The following MIPOL1 variants were observed in gnomAD, a reference collection of about 807,000 sequenced individuals.
MIPOL1 encodes the protein mirror-image polydactyly gene 1 protein.
In MIPOL1, 57 loss-of-function variants were observed where a neutral mutation model predicts 60.9. The ratio of observed to expected loss-of-function variants is 0.94; its 90% confidence interval spans 0.76 to 1.17. The LOEUF (loss-of-function observed/expected upper bound fraction) is 1.17. Ranked by LOEUF, MIPOL1 falls within the 50% of genes most tolerant of loss-of-function variation. MIPOL1 has a pLI of 0.00. For missense variants in MIPOL1, 551 were observed against 511.6 expected (o/e 1.08, Z -0.74); for synonymous variants, 179 against 168.8 (o/e 1.06, Z -0.47).
intron 12 of MIPOL1, among the ~76,000 whole-genome samples, chr14:37,515,531 A>T (rs1055137297): frequency 6.6e-6 from 1 of 152,222 alleles, no homozygotes; most frequent in African/African-American, 2.4e-5. Context: ...TATACTGTGT[A>T]TATGTAAAAG....
At chr14:37,356,755 C>T (rs563418124) in intron 9 of MIPOL1, among the ~76,000 whole-genome samples, 219 of 152,308 alleles carry the variant, frequency 1.4e-3, no homozygotes, top group African/African-American at 4.8e-3. Flanking sequence ...AATGCCTCGC[C>T]CTGCTTCGGC....
intron 11 of MIPOL1, among the ~76,000 whole-genome samples, chr14:37,457,459 CTT>C (rs2094489911): frequency 1.3e-5 from 2 of 152,144 alleles, no homozygotes. Context: ...TCACAAAACA[CTT>C]GGCAGTAGTG....
intron 9 of MIPOL1, among the ~76,000 whole-genome samples, chr14:37,351,065 C>G (rs1421647679): frequency 1.7e-5 from 2 of 119,678 alleles, no homozygotes; most frequent in African/African-American, 3.2e-5. Flanking sequence ...CCCCTCCCCC[C>G]ACCCCACAAC....
At chr14:37,432,286 T>C (rs187009007) in intron 11 of MIPOL1, among the ~76,000 whole-genome samples, 27 of 152,340 alleles carry the variant, frequency 1.8e-4, no homozygotes, top group African/African-American at 6.5e-4. Context: ...TCTAGTCCAA[T>C]AGTTCTATGA....
At chr14:37,398,203 G>C (rs1333014789) in intron 10 of MIPOL1, among the ~76,000 whole-genome samples, 2 of 152,096 alleles carry the variant, frequency 1.3e-5, no homozygotes, top group Non-Finnish European at 2.9e-5. Flanking sequence ...TCAGCTCCAG[G>C]TAATTTCGGA....
intron 11 of MIPOL1, among the ~76,000 whole-genome samples, chr14:37,428,581 C>G (rs534506699): frequency 8.3e-4 from 126 of 151,844 alleles, no homozygotes; most frequent in African/African-American, 3.0e-3. Context: ...GAGTGAGACT[C>G]TGTCTCCCCA....
At chr14:37,285,596 C>CTTTT in intron 7 of MIPOL1, 149 bp downstream of exon 7, 4 of 612,934 alleles carry the variant, frequency 6.5e-6, no homozygotes, top group Non-Finnish European at 9.7e-6. Flanking sequence ...TTTTTCTTTT[C>CTTTT]TTTTTTTTTT....
intron 10 of MIPOL1, chr14:37,401,670 A>G (rs1178331681): frequency 6.6e-6 from 1 of 152,140 alleles, no homozygotes. Flanking sequence ...GACTATGAAT[A>G]TACCCATTCA....
intron 12 of MIPOL1, among the ~76,000 whole-genome samples, chr14:37,525,004 C>A (rs576098278): frequency 8.6e-5 from 13 of 151,990 alleles, no homozygotes; most frequent in African/African-American, 2.9e-4. Context: ...AATATTTTGG[C>A]GAAATAAGAA....
intron 11 of MIPOL1, among the ~76,000 whole-genome samples, chr14:37,432,105 G>T (rs1236598911): frequency 6.6e-6 from 1 of 152,094 alleles, no homozygotes; most frequent in African/African-American, 2.4e-5. Flanking sequence ...TTTCCTCCTG[G>T]ACTACTCCAT....
At chr14:37,452,788 G>C (rs2094437311) in intron 11 of MIPOL1, among the ~76,000 whole-genome samples, 1 of 152,182 alleles carries the variant, frequency 6.6e-6, no homozygotes, top group African/African-American at 2.4e-5. Flanking sequence ...CAGTTTTGCA[G>C]CTCCCATTAA....
At chr14:37,525,381 A>G (rs2095440621) in intron 12 of MIPOL1, among the ~76,000 whole-genome samples, 1 of 152,218 alleles carries the variant, frequency 6.6e-6, no homozygotes, top group Non-Finnish European at 1.5e-5. Flanking sequence ...TGAAAACCAT[A>G]TATTCCATTA....
chr14:37,505,404 C>T (rs1157952717), intron 12 of MIPOL1: 1 of 152,196 alleles, frequency 6.6e-6, no homozygotes, highest in African/African-American at 2.4e-5. Flanking sequence ...AGCTTATCCA[C>T]CATGATCAAG....
intron 10 of MIPOL1, among the ~76,000 whole-genome samples, chr14:37,392,810 A>G (rs1347373418): frequency 1.3e-5 from 2 of 152,202 alleles, no homozygotes; most frequent in African/African-American, 4.8e-5. Context: ...TCAAAAATAG[A>G]TATCAAGTAA....
chr14:37,415,571 G>A (rs1161773330), intron 10 of MIPOL1, among the ~76,000 whole-genome samples: 1 of 150,414 alleles, frequency 6.6e-6, no homozygotes, highest in Non-Finnish European at 1.5e-5. Flanking sequence ...GGAGCTTGCA[G>A]TGAGCCGAGA....
intron 1 of MIPOL1, among the ~76,000 whole-genome samples, chr14:37,199,680 A>G (rs1964911529): frequency 6.6e-6 from 1 of 152,050 alleles, no homozygotes; most frequent in Non-Finnish European, 1.5e-5. Context: ...GCCTACCACC[A>G]CGCCTGGCTA....
chr14:37,207,462 C>G (rs1197190440), intron 1 of MIPOL1, among the ~76,000 whole-genome samples: 3 of 152,130 alleles, frequency 2.0e-5, no homozygotes, highest in Non-Finnish European at 4.4e-5. Context: ...TAGCAATAGA[C>G]AACTACACTA....
chr14:37,334,592 C>G (rs2089975000), intron 9 of MIPOL1, among the ~76,000 whole-genome samples: 1 of 151,874 alleles, frequency 6.6e-6, no homozygotes, highest in South Asian at 2.1e-4. Flanking sequence ...TGTGTAGTCA[C>G]TACTACAATT....
chr14:37,351,886 C>A (rs1247788690), intron 9 of MIPOL1, among the ~76,000 whole-genome samples: 1 of 151,054 alleles, frequency 6.6e-6, no homozygotes, highest in Non-Finnish European at 1.5e-5. Flanking sequence ...GGTAGTTTCT[C>A]TTGCTGTGCA....
Sources: gnomAD v4.1 joint callset for allele counts (sites outside exome capture counted in the v4.1 genomes callset) on GRCh38, gnomAD v4.1.1 for gene constraint, MANE v1.5 for transcripts, NCBI Gene and HGNC (gene_info 2026-07-23, HGNC 2026-07-21) for gene names.